Variants in PTGER4 observed in about 807,000 individuals in gnomAD.
PTGER4 encodes prostaglandin E2 receptor EP4 subtype.
Under a neutral mutation model 33.2 loss-of-function variants are expected in PTGER4, and 11 were observed. The ratio of observed to expected loss-of-function variants is 0.33; its 90% CI spans 0.21 to 0.55. The LOEUF (loss-of-function observed/expected upper bound fraction) is 0.55. Ranked by LOEUF, PTGER4 falls within the 20% of genes least tolerant of loss-of-function variation. The pLI is 0.92. For synonymous variants in PTGER4, 275 were observed against 281.5 expected (o/e 0.98, Z 0.23); for missense variants, 481 against 650.2 (o/e 0.74, Z 2.83).
chr5:40,692,417 T>G lies in PTGER4; in HGVS notation c.*39T>G. On this transcript the variant is annotated 3_prime_UTR_variant, in exon 3 of 3. Transcript: ENST00000302472. ...AAATACAGTACTGTTTCTGGACCCTTATAAAATCCTGTGCAATAGACACAT... is the reference window on the plus strand; with the variant it reads ...AAATACAGTACTGTTTCTGGACCCTGATAAAATCCTGTGCAATAGACACAT... 6.5e-7 allele frequency: 1 copy of G among 1,528,726 alleles called. No individual in the cohort carries two copies. Among genetic ancestry groups the G allele is most frequent in the Non-Finnish European group, 8.8e-7 (1 of 1,140,614 alleles). 94.7% of individuals were successfully genotyped at this position (1,528,726 alleles called of 1,614,324 possible).
At chr5:40,744,968 A>T in the PTGER4 span, among the ~76,000 whole-genome samples, 1 of 152,210 alleles carries the variant, frequency 6.6e-6, no homozygotes, top group Non-Finnish European at 1.5e-5. Context: ...CTTGCCAAAA[A>T]TATTTAGACT....
the PTGER4 span, among the ~76,000 whole-genome samples, chr5:40,740,190 T>C: frequency 6.6e-6 from 1 of 151,966 alleles, no homozygotes; most frequent in Non-Finnish European, 1.5e-5. Context: ...AGAATTTAAA[T>C]TTTTTGTTTA....
chr5:40,697,142 G>A (rs1741608547), downstream of PTGER4, among the ~76,000 whole-genome samples: 1 of 89,014 alleles, frequency 1.1e-5, no homozygotes, highest in Non-Finnish European at 2.2e-5. Flanking sequence ...AGGAAGGAAG[G>A]AAAGAAAGAG....
At chr5:40,713,371 G>T in the PTGER4 span, among the ~76,000 whole-genome samples, 1 of 152,100 alleles carries the variant, frequency 6.6e-6, no homozygotes, top group Non-Finnish European at 1.5e-5. Context: ...ATACTGTTCA[G>T]TTATAATCTT....
rs1339581036 is a variant in PTGER4, at chr5:40,692,174, G to A, written c.1263G>A (p.Met421Ile). 6.2e-7 allele frequency: 1 copy of A among 1,614,210 alleles called. No individual in the cohort carries two copies. Among genetic ancestry groups the A allele is most frequent in the East Asian group, 2.2e-5 (1 of 44,878 alleles). Reference protein sequence around the residue: ...GRNLLPGVPGMGLAQEDTTSL... With the variant: ...GRNLLPGVPGIGLAQEDTTSL... ...ATTTGCTTCCAGGTGTGCCTGGCAT[G>A]GGCCTGGCCCAGGAAGACACCACCT... The change falls in exon 3 of 3, where the codon ATG becomes ATA. Residue 421 changes from methionine (M) to isoleucine (I), a missense_variant. Around this residue, in one of 7 missense-constraint regions of PTGER4, gnomAD observed 172 missense variants for 199.2 expected, o/e 0.86. Transcript: ENST00000302472.
the PTGER4 span, among the ~76,000 whole-genome samples, chr5:40,738,499 C>A: frequency 0.2 from 14,910 of 75,994 alleles, 1,373 homozygotes; most frequent in East Asian, 0.36. Flanking sequence ...CAATACAATA[C>A]AATACAATAA....
the PTGER4 span, among the ~76,000 whole-genome samples, chr5:40,746,563 G>C: frequency 2.6e-5 from 4 of 152,112 alleles, no homozygotes; most frequent in African/African-American, 4.8e-5. Context: ...GCAAAGCAGG[G>C]ACATAATTAG....
Position 40,691,643 on chromosome 5 carries a change from T to G in PTGER4, c.868-136T>G. 8.0e-7 allele frequency: 1 copy of G among 1,255,074 alleles called. No individual in the cohort carries two copies. Among genetic ancestry groups the G allele is most frequent in the Non-Finnish European group, 1.1e-6 (1 of 916,488 alleles). 77.7% of individuals were successfully genotyped at this position (1,255,074 alleles called of 1,614,324 possible). On this transcript the variant is annotated intron_variant, in intron 2 of 2. Coordinates refer to ENST00000302472, the MANE Select transcript of PTGER4 (RefSeq NM_000958.3). This position sits in a 1 kb window ranked among gnomAD's most constrained non-coding sequence, Gnocchi z 4.2. ...TGACTGGTTTTTCTGAGGCTTATTA[T>G]GTAGCTTCCTCTTTTCCTGGAACTT...
chr5:40,682,012 G>C, intron 2 of PTGER4, 152 bp downstream of exon 2: 1 of 1,048,694 alleles, frequency 9.5e-7, no homozygotes, highest in Non-Finnish European at 1.3e-6. Flanking sequence ...TCTCAGAGCA[G>C]GCCCAACCCT....
chr5:40,720,641 T>C, the PTGER4 span, among the ~76,000 whole-genome samples: 1 of 152,128 alleles, frequency 6.6e-6, no homozygotes, highest in Admixed American at 6.5e-5. Context: ...CCCTCCTTCA[T>C]CCAACAAATA....
the PTGER4 span, chr5:40,730,361 A>T: frequency 9.4e-6 from 15 of 1,596,766 alleles, no homozygotes; most frequent in Non-Finnish European, 1.1e-5. Context: ...TGTTAAAGTT[A>T]TATCAATGCC....
chr5:40,722,477 C>T, the PTGER4 span, among the ~76,000 whole-genome samples: 9 of 151,330 alleles, frequency 5.9e-5, no homozygotes, highest in Admixed American at 2.6e-4. Context: ...CTCTGCCTGG[C>T]GGCCCATCGT....
chr5:40,720,700 A>C, the PTGER4 span, among the ~76,000 whole-genome samples: 1 of 152,176 alleles, frequency 6.6e-6, no homozygotes, highest in African/African-American at 2.4e-5. Flanking sequence ...TGAGAAATCC[A>C]GAAACTAACT....
chr5:40,697,239 AAAGAAAGAAAGAAAGAAAGAAAG>A (rs1741627295), downstream of PTGER4, among the ~76,000 whole-genome samples: 1 of 39,564 alleles, frequency 2.5e-5, no homozygotes, highest in Non-Finnish European at 6.1e-5. Flanking sequence ...AGAAAGAAAG[AAAGAAAGAAAGAAAGAAAGAAAG>A]AAAGAAAGAA....
At chr5:40,737,205 A>G in the PTGER4 span, among the ~76,000 whole-genome samples, 2 of 152,084 alleles carry the variant, frequency 1.3e-5, no homozygotes, top group African/African-American at 4.8e-5. Context: ...GCTGAGGGAC[A>G]AGAATCACTT....
At chr5:40,705,203 T>C in the PTGER4 span, among the ~76,000 whole-genome samples, 2 of 152,138 alleles carry the variant, frequency 1.3e-5, no homozygotes, top group African/African-American at 4.8e-5. Context: ...TTGACAAAGC[T>C]GAAAAAAAGA....
At position 40,680,852 on chromosome 5, in the gene PTGER4, C is replaced by T. The variant is rs1343946816; in HGVS notation, c.-43-99C>T. On this transcript the variant is annotated intron_variant, in intron 1 of 2. Coordinates refer to ENST00000302472, the MANE Select transcript of PTGER4 (RefSeq NM_000958.3). The surrounding 1 kb of genome is among the most constrained non-coding windows in gnomAD (Gnocchi z 5.5). The stretch of plus-strand genomic sequence containing the variant: ...CAGAAAGTAGGATCGAGTTGCTCCC[C>T]TTGTCTTATCAGTGTATCGTTTCTC... 3 of 1,094,434 alleles carry T rather than the reference C, an allele frequency of 2.7e-6. No homozygotes were observed. Among genetic ancestry groups the T allele is most frequent in the African/African-American group, 1.6e-5 (1 of 63,496 alleles). 67.8% of individuals were successfully genotyped at this position (1,094,434 alleles called of 1,614,324 possible).
At chr5:40,702,297 C>T in the PTGER4 span, among the ~76,000 whole-genome samples, 2,273 of 152,268 alleles carry the variant, frequency 0.015, 57 homozygotes, top group African/African-American at 0.051. Flanking sequence ...CACATAATGA[C>T]ACTCACAGGC....
At chr5:40,732,599 C>A in the PTGER4 span, among the ~76,000 whole-genome samples, 15 of 151,756 alleles carry the variant, frequency 9.9e-5, no homozygotes, top group Non-Finnish European at 2.9e-5. Flanking sequence ...GTAGAAGGTA[C>A]TAATATAACA....
Sources: allele counts gnomAD v4.1 joint callset (sites outside exome capture counted in the v4.1 genomes callset), GRCh38; gene constraint gnomAD v4.1.1; regional missense constraint gnomAD v4.1.1; non-coding constraint Gnocchi (gnomAD v3.1); transcripts MANE v1.5; gene names NCBI Gene and HGNC (gene_info 2026-07-23, HGNC 2026-07-21).